Variants in ACSL6 observed in about 807,000 individuals in gnomAD.
ACSL6 encodes long-chain-fatty-acid--CoA ligase 6.
Under a neutral mutation model 98.2 loss-of-function variants are expected in ACSL6, and 47 were observed. That is an observed-to-expected ratio of 0.48 (90% CI 0.38 to 0.61). The LOEUF is 0.61. ACSL6 is among the 20% of genes least tolerant of loss of function. The pLI is 0.00. For synonymous variants in ACSL6, 362 were observed against 336.9 expected (o/e 1.07, Z -0.82); for missense variants, 761 against 913.4 (o/e 0.83, Z 2.15).
intron 9 of ACSL6, among the ~76,000 whole-genome samples, chr5:131,979,496 A>G (rs1753788231): frequency 6.6e-6 from 1 of 152,238 alleles, no homozygotes; most frequent in African/African-American, 2.4e-5. Flanking sequence ...GTAGTTATTC[A>G]ATTCCACTTG....
At chr5:131,958,713 A>G (rs1021045732) in intron 20 of ACSL6, among the ~76,000 whole-genome samples, 9 of 152,170 alleles carry the variant, frequency 5.9e-5, no homozygotes, top group African/African-American at 2.2e-4. Flanking sequence ...AGAGTTTTAT[A>G]TTTTAAACTG....
At chr5:131,972,124 T>C (rs1349724285) in intron 13 of ACSL6, among the ~76,000 whole-genome samples, 3 of 152,344 alleles carry the variant, frequency 2.0e-5, no homozygotes, top group African/African-American at 7.2e-5. Flanking sequence ...ACTTTGTTTA[T>C]GTAAGTTGAG....
intron 7 of ACSL6, 147 bp downstream of exon 7, chr5:131,987,901 T>C: frequency 9.3e-7 from 1 of 1,071,576 alleles, no homozygotes; most frequent in Non-Finnish European, 1.3e-6. Context: ...CCACCAGCCC[T>C]TGCAAAGCCT....
chr5:131,969,767 CA>C (rs1442213822), intron 15 of ACSL6, among the ~76,000 whole-genome samples: 2 of 152,114 alleles, frequency 1.3e-5, no homozygotes, highest in Non-Finnish European at 2.9e-5. Flanking sequence ...ATCAATGTCT[CA>C]AAGGCAGCGG....
chr5:131,988,510 C>A (rs768529664), intron 6 of ACSL6: 3 of 1,604,642 alleles, frequency 1.9e-6, no homozygotes, highest in Middle Eastern at 1.7e-4. Context: ...ATATTTACCA[C>A]CCCCTGCATC....
At chr5:131,972,998 C>A (rs963132533) in intron 12 of ACSL6, 140 bp from the exon 13 acceptor site, 12 of 1,260,198 alleles carry the variant, frequency 9.5e-6, no homozygotes, top group Non-Finnish European at 1.3e-5. Context: ...GAATGTGTGA[C>A]ATTGAGCTGA....
chr5:132,001,892 A>G (rs1479023320), intron 1 of ACSL6: 3 of 152,180 alleles, frequency 2.0e-5, no homozygotes, highest in Non-Finnish European at 4.4e-5. Flanking sequence ...GCTTTCAGGA[A>G]CTTTAAAATA....
intron 7 of ACSL6, among the ~76,000 whole-genome samples, chr5:131,987,263 C>A (rs1442645955): frequency 2.6e-5 from 4 of 152,202 alleles, no homozygotes; most frequent in African/African-American, 4.8e-5. Context: ...TGATGGCAAT[C>A]CGAGTGTGAG....
intron 10 of ACSL6, chr5:131,975,714 A>T: frequency 2.0e-6 from 2 of 985,400 alleles, no homozygotes; most frequent in Non-Finnish European, 2.4e-6. Flanking sequence ...CCCTAGGGAC[A>T]GGGGCTACTC....
intron 17 of ACSL6, among the ~76,000 whole-genome samples, chr5:131,963,406 G>A (rs539028548): frequency 1.5e-4 from 23 of 152,240 alleles, no homozygotes; most frequent in African/African-American, 3.9e-4. Context: ...AGTAACCACC[G>A]TTTTCTCTTC....
chr5:132,003,615 T>C (rs1755214526), intron 1 of ACSL6: 1 of 152,264 alleles, frequency 6.6e-6, no homozygotes, highest in African/African-American at 2.4e-5. Context: ...GGGGCTGTTC[T>C]CACCAGAAAA....
At chr5:131,974,512 C>T (rs1043389656) in intron 11 of ACSL6, among the ~76,000 whole-genome samples, 1 of 152,226 alleles carries the variant, frequency 6.6e-6, no homozygotes, top group African/African-American at 2.4e-5. Flanking sequence ...AAGATGCTAT[C>T]AGCTGGGGTC....
chr5:131,951,103 C>T lies in ACSL6; in HGVS notation c.*3131G>A, dbSNP rs1752135576. On this transcript the variant is annotated 3_prime_UTR_variant, in exon 21 of 21. Coordinates refer to ENST00000651883, the MANE Select transcript of ACSL6 (RefSeq NM_001009185.3). Reference sequence around the variant, plus strand: ...TTTGGTATATATTTTATAATATACACAAAAGGATCTGTTTGCAAAATATGA... The same window carrying T: ...TTTGGTATATATTTTATAATATACATAAAAGGATCTGTTTGCAAAATATGA... The T allele has an allele frequency of 5.0e-6, 1 of 198,110 alleles. No homozygotes were observed. The highest frequency in any genetic ancestry group is 1.0e-5 in the Non-Finnish European group (1 of 95,848). The allele number at this position is 198,110 out of a possible 1,614,324, so 12.3% of individuals were successfully genotyped here.
chr5:131,992,605 TC>T (rs1227631072), intron 2 of ACSL6, among the ~76,000 whole-genome samples: 1 of 152,148 alleles, frequency 6.6e-6, no homozygotes, highest in East Asian at 1.9e-4. Context: ...GCCAGGGTCA[TC>T]CCTCTCACCA....
At chr5:131,970,379 A>G (rs1753238716) in intron 14 of ACSL6, among the ~76,000 whole-genome samples, 179 bp from the exon 15 acceptor site, 1 of 151,708 alleles carries the variant, frequency 6.6e-6, no homozygotes, top group Non-Finnish European at 1.5e-5. Context: ...CACAGACAAC[A>G]AGCATGGCCA....
rs1309665595 is a variant in ACSL6 at position 131,975,297 on chromosome 5, G to A, written c.991-327C>T. On this transcript the variant is annotated intron_variant, in intron 10 of 20. Coordinates refer to ENST00000651883, the MANE Select transcript of ACSL6 (RefSeq NM_001009185.3). ...TGAAGCACACAGAAACCAGCAGAGT[G>A]GGCTCCGCAGGGAAGTCTCCTCTCT... 8 of 985,262 alleles carry A rather than the reference G, an allele frequency of 8.1e-6. No homozygotes were observed. In the East Asian group the frequency reaches 5.7e-4, roughly 70 times the overall value. 61.0% of individuals were successfully genotyped at this position (985,262 alleles called of 1,614,324 possible).
intron 1 of ACSL6, among the ~76,000 whole-genome samples, chr5:131,994,909 G>T (rs1754715827): frequency 6.6e-6 from 1 of 152,190 alleles, no homozygotes; most frequent in Non-Finnish European, 1.5e-5. Flanking sequence ...GAGGACAACT[G>T]GCCCCACCAT....
chr5:131,967,424 G>C lies in ACSL6; in HGVS notation c.1596+516C>G, dbSNP rs138166883. Among the ~76,000 whole-genome samples, 771 of 152,110 alleles carry C rather than the reference G, an allele frequency of 5.1e-3. 28 individuals carry two copies. Among genetic ancestry groups the C allele is most frequent in the Admixed American group, 0.038 (586 of 15,278 alleles). On this transcript the variant is annotated intron_variant, in intron 16 of 20. Coordinates refer to ENST00000651883, the MANE Select transcript of ACSL6 (RefSeq NM_001009185.3). The stretch of plus-strand genomic sequence containing the variant: ...CACGCCTGTAATCCCAGCACTTTGG[G>C]AGGCCGAGGTGGGCGGATCACGAAG...
chr5:131,995,955 C>T (rs1357938283), intron 1 of ACSL6, among the ~76,000 whole-genome samples: 2 of 152,216 alleles, frequency 1.3e-5, no homozygotes, highest in Admixed American at 6.5e-5. Flanking sequence ...CAGCCCAGGA[C>T]ACATGAAAAG....
Sources: gnomAD v4.1 joint callset for allele counts (sites outside exome capture counted in the v4.1 genomes callset) on GRCh38, gnomAD v4.1.1 for gene constraint, MANE v1.5 for transcripts, NCBI Gene and HGNC (gene_info 2026-07-23, HGNC 2026-07-21) for gene names.